Variants in RIC3 observed in about 807,000 individuals in gnomAD.
The protein encoded by RIC3 is RIC3 acetylcholine receptor chaperone.
RIC3 carries 28 observed loss-of-function variants against 27.3 expected under a neutral mutation model. The observed-to-expected ratio is 1.02, with a 90% CI of 0.76 to 1.41. The LOEUF (loss-of-function observed/expected upper bound fraction) is 1.41. RIC3 is among the 40% of genes most tolerant of loss of function. The pLI is 0.00. For missense variants in RIC3, 501 were observed against 444.7 expected, an observed-to-expected ratio of 1.13 and a Z score of -1.14; for synonymous variants, 184 against 160.4, an observed-to-expected ratio of 1.15 and a Z score of -1.11.
At chr11:8,128,084 A>G in intron 4 of RIC3, 1 of 393,550 alleles carries the variant, frequency 2.5e-6, no homozygotes. Context: ...AGGGCCTCTG[A>G]TAGCTCTATT....
At chr11:8,103,307 C>G (rs986992427), downstream of RIC3, 12 of 151,964 alleles carry the variant, frequency 7.9e-5, no homozygotes, top group African/African-American at 2.7e-4. Flanking sequence ...GGCTTCTTGC[C>G]CAGATAGAGA....
rs558814435 is a variant in RIC3, at chr11:8,113,005, T to C, written c.671-1868A>G. Among the ~76,000 whole-genome samples, 5 of 152,252 alleles carry C rather than the reference T, an allele frequency of 3.3e-5. No individual in the cohort carries two copies. The East Asian group carries it at 9.6e-4, about 29-fold the overall frequency. ...TAAATTTTCAATCCTACCAGTGATATAAAGACTGTCCATCTTATGACACCC... is the reference window on the plus strand; with the variant it reads ...TAAATTTTCAATCCTACCAGTGATACAAAGACTGTCCATCTTATGACACCC... On this transcript the variant is annotated intron_variant, in intron 5 of 5. Transcript: ENST00000309737.
chr11:8,118,065 T>TA (rs1263827794), intron 5 of RIC3, among the ~76,000 whole-genome samples: 4 of 150,518 alleles, frequency 2.7e-5, no homozygotes, highest in Non-Finnish European at 5.9e-5. Flanking sequence ...TACTAAAAAT[T>TA]AAAAAAAATT....
chr11:8,157,128 T>G (rs1314608710), intron 1 of RIC3, among the ~76,000 whole-genome samples: 4 of 152,168 alleles, frequency 2.6e-5, no homozygotes, highest in Non-Finnish European at 5.9e-5. Context: ...GGCCATTCTG[T>G]GATCATGACG....
intron 4 of RIC3, chr11:8,128,249 C>A (rs551719977): frequency 4.4e-6 from 2 of 457,260 alleles, no homozygotes; most frequent in Non-Finnish European, 8.8e-6. Flanking sequence ...TCTCTTCAGG[C>A]GGCACATGTT....
At chr11:8,154,662 C>A (rs1259398281) in intron 1 of RIC3, among the ~76,000 whole-genome samples, 1 of 151,786 alleles carries the variant, frequency 6.6e-6, no homozygotes, top group Non-Finnish European at 1.5e-5. Flanking sequence ...TTATTTACCC[C>A]TTTTTCTGCT....
the RIC3 span, chr11:8,097,832 A>G: frequency 6.2e-7 from 1 of 1,609,922 alleles, no homozygotes; most frequent in Non-Finnish European, 8.5e-7. Context: ...CTGCGGTACT[A>G]GCATTCCCCC....
chr11:8,144,778 C>T (rs1450851178), intron 1 of RIC3, among the ~76,000 whole-genome samples: 8 of 151,710 alleles, frequency 5.3e-5, no homozygotes, highest in Non-Finnish European at 1.0e-4. Flanking sequence ...TTGGAACCAA[C>T]CCAAATGTCC....
chr11:8,124,311 A>G (rs767199274), intron 5 of RIC3, among the ~76,000 whole-genome samples: 15 of 152,198 alleles, frequency 9.9e-5, no homozygotes, highest in Non-Finnish European at 2.2e-4. Context: ...AGGAAAAGAA[A>G]ATCACAGACC....
At chr11:8,101,624 C>T (rs1944311311), downstream of RIC3, 3 of 1,614,104 alleles carry the variant, frequency 1.9e-6, no homozygotes, top group Non-Finnish European at 2.5e-6. Context: ...GAGTAGAGGC[C>T]TCTTCGTGCC....
At chr11:8,168,723 A>G (rs1355255712) in intron 1 of RIC3, 143 bp downstream of exon 1, 8 of 1,266,176 alleles carry the variant, frequency 6.3e-6, no homozygotes, top group Non-Finnish European at 8.4e-6. Context: ...TTGGCCCTTC[A>G]ACGCCGTCTC....
intron 1 of RIC3, among the ~76,000 whole-genome samples, chr11:8,142,235 G>T (rs957397348): frequency 3.7e-5 from 5 of 134,618 alleles, no homozygotes; most frequent in East Asian, 2.2e-4. Flanking sequence ...AATGAATCCA[G>T]GAGCTGGTTT....
chr11:8,133,405 C>T (rs749374744), intron 4 of RIC3, among the ~76,000 whole-genome samples: 1 of 152,158 alleles, frequency 6.6e-6, no homozygotes, highest in Non-Finnish European at 1.5e-5. Context: ...TAGGGCCTAC[C>T]TGTAAGGATA....
At chr11:8,157,730 C>G (rs74052546) in intron 1 of RIC3, among the ~76,000 whole-genome samples, 7,182 of 152,176 alleles carry the variant, frequency 0.047, 263 homozygotes, top group African/African-American at 0.1. Flanking sequence ...ATTTGTAGGG[C>G]TAAAAATAGT....
intron 4 of RIC3, among the ~76,000 whole-genome samples, chr11:8,136,516 T>C (rs1948440699): frequency 1.3e-5 from 2 of 152,234 alleles, no homozygotes; most frequent in African/African-American, 4.8e-5. Flanking sequence ...TTGGTTGTTG[T>C]CCACTTCTAT....
At chr11:8,137,762 G>A (rs1029523362) in intron 3 of RIC3, among the ~76,000 whole-genome samples, 30 of 143,050 alleles carry the variant, frequency 2.1e-4, no homozygotes, top group African/African-American at 6.9e-4. Flanking sequence ...TCTTACTTGC[G>A]GGTGGTAAAT....
intron 4 of RIC3, among the ~76,000 whole-genome samples, chr11:8,134,681 C>G (rs112433246): frequency 6.6e-6 from 1 of 152,100 alleles, no homozygotes; most frequent in Non-Finnish European, 1.5e-5. Flanking sequence ...TTTTAATGAT[C>G]GCCATTCTAA....
chr11:8,096,537 A>G, the RIC3 span: 12 of 689,152 alleles, frequency 1.7e-5, no homozygotes, highest in East Asian at 1.2e-4. Context: ...ATGGGAGTCT[A>G]TATGTGTAGA....
Position 8,108,932 on chromosome 11 carries a change from C to A in RIC3, c.*1766G>T, listed in dbSNP as rs950421609. The stretch of plus-strand genomic sequence containing the variant: ...TCACAGTGAACGAAGGGAAATAACA[C>A]AGAAAACAATTTATCTAAACAGTAA... On this transcript the variant is annotated 3_prime_UTR_variant, in exon 6 of 6. Transcript: ENST00000309737. The A allele has an allele frequency of 1.3e-5, 2 of 152,240 alleles. No homozygotes were observed. The highest frequency in any genetic ancestry group is 4.8e-5 in the African/African-American group (2 of 41,456). The allele number at this position is 152,240 out of a possible 1,614,324, so 9.4% of individuals were successfully genotyped here.
Sources: allele counts gnomAD v4.1 joint callset (sites outside exome capture counted in the v4.1 genomes callset), GRCh38; gene constraint gnomAD v4.1.1; transcripts MANE v1.5; gene names NCBI Gene and HGNC (gene_info 2026-07-23, HGNC 2026-07-21).